LIMA1: variants seen among roughly 807,000 people sequenced by gnomAD.
LIMA1 encodes the protein LIM domain and actin binding 1, also known as LIM domain and actin-binding protein 1.
A neutral mutation model predicts 62.6 loss-of-function variants in LIMA1; 52 were observed. That is an observed-to-expected ratio of 0.83 (90% CI 0.67 to 1.05). The LOEUF (loss-of-function observed/expected upper bound fraction) is 1.05. LIMA1 is among the 50% of genes least tolerant of loss of function. The probability of loss-of-function intolerance (pLI) is 0.00; values close to 1 mark genes in which losing one functional copy is unlikely to be tolerated. For synonymous variants in LIMA1, 302 were observed against 317.8 expected, an observed-to-expected ratio of 0.95 and a Z score of 0.53; for missense variants, 780 against 902.2, an observed-to-expected ratio of 0.86 and a Z score of 1.74.
At position 50,255,052 on chromosome 12, in the gene LIMA1, A is replaced by C. The variant is rs573575231; in HGVS notation, c.-23-6278T>G. Among the ~76,000 whole-genome samples, 19 of 150,496 alleles carry C rather than the reference A, an allele frequency of 1.3e-4. No homozygotes were observed. In the South Asian group the frequency reaches 3.6e-3, roughly 29 times the overall value. The stretch of plus-strand genomic sequence containing the variant: ...CAAAACCAAAAAAAACAAAACAAAA[A>C]AAAACCACCAAACCAAACCAAAAAA... On this transcript the variant is annotated intron_variant, in intron 1 of 10. Coordinates refer to ENST00000341247, the MANE Select transcript of LIMA1 (RefSeq NM_016357.5).
At chr12:50,246,637 C>T (rs941869460) in intron 2 of LIMA1, among the ~76,000 whole-genome samples, 1 of 152,204 alleles carries the variant, frequency 6.6e-6, no homozygotes, top group Non-Finnish European at 1.5e-5. Context: ...CCCTGGTTTT[C>T]TTACTAAATC....
chr12:50,231,344 G>GA (rs1234015007), intron 3 of LIMA1, among the ~76,000 whole-genome samples: 1 of 152,128 alleles, frequency 6.6e-6, no homozygotes, highest in African/African-American at 2.4e-5. Flanking sequence ...GTCTGATTTG[G>GA]AAAAAAGGAA....
At chr12:50,223,775 T>C (rs920398872) in intron 3 of LIMA1, among the ~76,000 whole-genome samples, 1 of 151,852 alleles carries the variant, frequency 6.6e-6, no homozygotes, top group African/African-American at 2.4e-5. Context: ...CAGTGGCTCA[T>C]GCCTGTAATC....
Position 50,206,061 on chromosome 12 carries a change from C to T in LIMA1, c.638G>A (p.Arg213Gln), listed in dbSNP as rs200874974. 1.3e-5 allele frequency: 21 copies of T among 1,611,352 alleles called. No homozygotes were observed. Among genetic ancestry groups the T allele is most frequent in the African/African-American group, 2.7e-5 (2 of 74,848 alleles). Residue 213 changes from arginine to glutamine, a missense_variant, in exon 5 of 11, where the codon CGG (arginine) becomes CAG (glutamine). Transcript: ENST00000341247. ...TCCACTTGCACTTCGGCTTTGGGCCCGGAGAATCTGGAAAACGAAACCCAA... is the reference window on the plus strand; with the variant it reads ...TCCACTTGCACTTCGGCTTTGGGCCTGGAGAATCTGGAAAACGAAACCCAA... ...KGEPTQTKIL[R>Q]AQSRSASGRK...
chr12:50,178,951 C>CATAT (rs535492365), intron 10 of LIMA1, among the ~76,000 whole-genome samples: 12 of 138,592 alleles, frequency 8.7e-5, no homozygotes, highest in African/African-American at 2.4e-4. Flanking sequence ...TATATAAATA[C>CATAT]ATATATATAT....
chr12:50,207,976 C>A (rs934045199), intron 4 of LIMA1, among the ~76,000 whole-genome samples: 1 of 151,814 alleles, frequency 6.6e-6, no homozygotes, highest in Non-Finnish European at 1.5e-5. Context: ...CATACCACAT[C>A]AGAAATCAGA....
intron 1 of LIMA1, 103 bp from the exon 2 acceptor site, chr12:50,248,877 C>T: frequency 1.5e-6 from 1 of 675,904 alleles, no homozygotes; most frequent in East Asian, 2.5e-5. Context: ...AGACCACACT[C>T]CTCCACTGTT....
intron 2 of LIMA1, among the ~76,000 whole-genome samples, chr12:50,241,593 C>G (rs1394927617): frequency 1.3e-5 from 2 of 152,158 alleles, no homozygotes; most frequent in Non-Finnish European, 2.9e-5. Context: ...TTCTCAAACC[C>G]CTACTCAAAT....
chr12:50,200,181 C>T (rs1369616132), intron 7 of LIMA1, among the ~76,000 whole-genome samples: 2 of 152,010 alleles, frequency 1.3e-5, no homozygotes, highest in African/African-American at 4.8e-5. Context: ...AGGCGTGAGC[C>T]ACCACACTCG....
chr12:50,210,302 A>G (rs1280500512), intron 4 of LIMA1, among the ~76,000 whole-genome samples: 1 of 151,610 alleles, frequency 6.6e-6, no homozygotes, highest in Non-Finnish European at 1.5e-5. Flanking sequence ...ACGTGCCTGT[A>G]ATCCTAGCTA....
chr12:50,268,633 C>A (rs1165182616), intron 1 of LIMA1, among the ~76,000 whole-genome samples: 2 of 130,882 alleles, frequency 1.5e-5, no homozygotes, highest in African/African-American at 5.5e-5. Flanking sequence ...GAGACAGGGT[C>A]TTGCTATGTT....
At chr12:50,282,732 C>T (rs1289480045) in intron 1 of LIMA1, among the ~76,000 whole-genome samples, 1 of 152,238 alleles carries the variant, frequency 6.6e-6, no homozygotes, top group Non-Finnish European at 1.5e-5. Context: ...TCACCAGGAT[C>T]AGCTAAACCG....
chr12:50,252,579 C>CAAA lies in LIMA1; in HGVS notation c.-23-3808_-23-3806dup, dbSNP rs397936373. Among the ~76,000 whole-genome samples, 137 of 58,232 alleles carry CAAA rather than the reference C, an allele frequency of 2.4e-3. 1 individual carries two copies. Among genetic ancestry groups the CAAA allele is most frequent in the Middle Eastern group, 0.019 (2 of 108 alleles). 38.2% of individuals were successfully genotyped at this position (58,232 alleles called of 152,430 possible). A position where few individuals can be genotyped will look rare whatever the true frequency, so the allele number is the denominator to read the frequency against. ...CTGGGTGACAAGAGCGAAACTGTCT[C>CAAA]AAAAAAAAAAAAAAAAAAAAAAAGA... On this transcript the variant is annotated intron_variant, in intron 1 of 10. Coordinates refer to ENST00000341247, the MANE Select transcript of LIMA1 (RefSeq NM_016357.5).
intron 2 of LIMA1, among the ~76,000 whole-genome samples, chr12:50,247,395 C>G (rs1941865208): frequency 6.6e-6 from 1 of 151,766 alleles, no homozygotes. Context: ...ACTGAGCCAC[C>G]AAGCCAAACA....
chr12:50,213,492 T>C (rs763299701), intron 4 of LIMA1, among the ~76,000 whole-genome samples: 2 of 152,252 alleles, frequency 1.3e-5, no homozygotes, highest in Non-Finnish European at 2.9e-5. Context: ...TCTGTAAAAT[T>C]GGGATTGTAA....
chr12:50,252,119 A>G (rs1941938478), intron 1 of LIMA1, among the ~76,000 whole-genome samples: 2 of 152,144 alleles, frequency 1.3e-5, no homozygotes, highest in Admixed American at 6.5e-5. Flanking sequence ...GGAATACAAG[A>G]CCTGATTTTC....
intron 1 of LIMA1, among the ~76,000 whole-genome samples, chr12:50,260,933 A>C (rs866542476): frequency 2.2e-4 from 29 of 134,310 alleles, no homozygotes; most frequent in African/African-American, 9.4e-4. Flanking sequence ...CTTGCCCCAA[A>C]AAAAAAAAAA....
intron 6 of LIMA1, 137 bp downstream of exon 6, chr12:50,204,415 G>A (rs1263376524): frequency 1.0e-6 from 1 of 976,288 alleles, no homozygotes; most frequent in East Asian, 2.7e-5. Context: ...GCGAGGGTAG[G>A]GTTCATGTGA....
intron 6 of LIMA1, 22 bp downstream of exon 6, chr12:50,204,530 A>T: frequency 1.3e-6 from 2 of 1,599,362 alleles, no homozygotes; most frequent in Non-Finnish European, 1.7e-6. Flanking sequence ...GAATGAATGA[A>T]TGAATGATGC....
Sources: gnomAD v4.1 joint callset for allele counts (sites outside exome capture counted in the v4.1 genomes callset) on GRCh38, gnomAD v4.1.1 for gene constraint, MANE v1.5 for transcripts, NCBI Gene and HGNC (gene_info 2026-07-23, HGNC 2026-07-21) for gene names.